DNAJC6: variants seen among roughly 807,000 people sequenced by gnomAD.
DNAJC6 encodes the protein auxilin.
Under a neutral mutation model 110.0 loss-of-function variants are expected in DNAJC6, and 34 were observed. That is an observed-to-expected ratio of 0.31 (90% CI 0.24 to 0.41). The LOEUF is 0.41. Among genes scored for constraint, DNAJC6 ranks in the 10% least tolerant of loss-of-function variants. DNAJC6 has a pLI of 1.00. For missense variants in DNAJC6, 1,031 were observed against 1,207.8 expected, an observed-to-expected ratio of 0.85 and a Z score of 2.17; for synonymous variants, 406 against 437.2, an observed-to-expected ratio of 0.93 and a Z score of 0.89.
chr1:65,402,331 G>T (rs1040294010), intron 15 of DNAJC6, among the ~76,000 whole-genome samples: 9 of 152,164 alleles, frequency 5.9e-5, no homozygotes, highest in African/African-American at 2.2e-4. Context: ...GGTGCTCTCC[G>T]GTCAATTTGT....
chr1:65,349,644 C>T (rs1011074752), intron 1 of DNAJC6, among the ~76,000 whole-genome samples: 2 of 151,858 alleles, frequency 1.3e-5, no homozygotes, highest in Non-Finnish European at 2.9e-5. Context: ...ATTTTTTGAC[C>T]TCCATTGTTT....
chr1:65,386,167 G>A (rs1283796794), intron 7 of DNAJC6, among the ~76,000 whole-genome samples: 6 of 152,314 alleles, frequency 3.9e-5, no homozygotes, highest in African/African-American at 1.4e-4. Context: ...GGGAACATGG[G>A]ACACCTGGTC....
In DNAJC6 at chr1:65,381,196, C is replaced by G. The variant is rs138914377; in HGVS notation, c.666+1672C>G. Among the ~76,000 whole-genome samples, 1,217 of 151,698 alleles carry G rather than the reference C, an allele frequency of 8.0e-3. 10 individuals are homozygous for G. Among genetic ancestry groups the G allele is most frequent in the South Asian group, 0.033 (157 of 4,802 alleles). Reference sequence around the variant, plus strand: ...CCTCCCAAAGTGCTGGGATTACAGGCGTGACCCCACCAGGCCTCTTATTTT... The same window carrying G: ...CCTCCCAAAGTGCTGGGATTACAGGGGTGACCCCACCAGGCCTCTTATTTT... On this transcript the variant is annotated intron_variant, in intron 5 of 18. Coordinates refer to ENST00000371069, the MANE Select transcript of DNAJC6 (RefSeq NM_001256864.2).
At chr1:65,349,029 A>C in intron 1 of DNAJC6, among the ~76,000 whole-genome samples, 1 of 144,972 alleles carries the variant, frequency 6.9e-6, no homozygotes, top group South Asian at 2.1e-4. Flanking sequence ...AATACATATA[A>C]ATATATGTAA....
intron 1 of DNAJC6, among the ~76,000 whole-genome samples, chr1:65,329,513 A>G (rs1645268824): frequency 6.6e-6 from 1 of 151,590 alleles, no homozygotes; most frequent in African/African-American, 2.4e-5. Context: ...ATTTTATTCA[A>G]TATAATAAAT....
chr1:65,272,093 T>C (rs929136882), intron 1 of DNAJC6, among the ~76,000 whole-genome samples: 1 of 152,176 alleles, frequency 6.6e-6, no homozygotes, highest in African/African-American at 2.4e-5. Flanking sequence ...TCTTATAATG[T>C]TGAATAGAAG....
intron 1 of DNAJC6, among the ~76,000 whole-genome samples, chr1:65,359,688 A>G (rs1318447033): frequency 6.6e-6 from 1 of 152,196 alleles, no homozygotes; most frequent in Non-Finnish European, 1.5e-5. Flanking sequence ...TAAGAACACA[A>G]GTGGTGTTAA....
At chr1:65,280,182 T>C (rs1429529423) in intron 1 of DNAJC6, among the ~76,000 whole-genome samples, 2 of 152,224 alleles carry the variant, frequency 1.3e-5, no homozygotes, top group African/African-American at 2.4e-5. Context: ...AAGGAAATTA[T>C]GAAAATTCAG....
chr1:65,372,488 G>A (rs1645716652), intron 4 of DNAJC6, among the ~76,000 whole-genome samples: 1 of 152,090 alleles, frequency 6.6e-6, no homozygotes, highest in South Asian at 2.1e-4. Context: ...TCTTCTCATG[G>A]AGCTTGGTGT....
chr1:65,264,840 A>G (rs2101141295), exon 1 of DNAJC6: 3 of 1,602,984 alleles, frequency 1.9e-6, no homozygotes, highest in Non-Finnish European at 2.6e-6. Flanking sequence ...TGTGAATGAC[A>G]AATCAAAAGT....
At chr1:65,365,499 G>T (rs758246236) in intron 2 of DNAJC6, among the ~76,000 whole-genome samples, 1 of 152,042 alleles carries the variant, frequency 6.6e-6, no homozygotes, top group Non-Finnish European at 1.5e-5. Context: ...GCAGAAAAAT[G>T]GTGTCATTTA....
Position 65,392,602 on chromosome 1 carries a change from C to G in DNAJC6, c.1640C>G (p.Ala547Gly), listed in dbSNP as rs1300228085. Residue 547 changes from alanine (A) to glycine (G), a missense_variant, in exon 12 of 19, where the codon GCC becomes GGC. By Grantham distance (60) the Ala-to-Gly change is moderately conservative. Coordinates refer to ENST00000371069, the MANE Select transcript of DNAJC6 (RefSeq NM_001256864.2). ...KPSKKQQEPA[A>G]PPPPEDVDLL... ...AGCAAAAAGCAGCAGGAGCCAGCAG[C>G]CCCTCCACCCCCTGAGGATGTGGAC... 3.1e-6 allele frequency: 5 copies of G among 1,614,056 alleles called. No individual in the cohort carries two copies. The highest frequency in any genetic ancestry group is 4.2e-6 in the Non-Finnish European group (5 of 1,179,988).
intron 1 of DNAJC6, among the ~76,000 whole-genome samples, chr1:65,310,586 G>A (rs892170481): frequency 6.6e-6 from 1 of 152,060 alleles, no homozygotes; most frequent in African/African-American, 2.4e-5. Flanking sequence ...TTGTCCTTTT[G>A]CTTGAGTGTA....
At chr1:65,274,525 C>T (rs1466255100) in intron 1 of DNAJC6, among the ~76,000 whole-genome samples, 1 of 152,200 alleles carries the variant, frequency 6.6e-6, no homozygotes, top group Non-Finnish European at 1.5e-5. Context: ...CCATGTTGGC[C>T]AGGCTGGTCT....
chr1:65,365,804 A>C (rs779707103), intron 2 of DNAJC6, 81 bp from the exon 3 acceptor site: 192 of 1,487,920 alleles, frequency 1.3e-4, no homozygotes, highest in Non-Finnish European at 1.7e-4. Flanking sequence ...GTCCCAGTTC[A>C]TATGCGCAAG....
chr1:65,313,790 G>T (rs1645124206), intron 1 of DNAJC6, among the ~76,000 whole-genome samples: 1 of 152,184 alleles, frequency 6.6e-6, no homozygotes, highest in African/African-American at 2.4e-5. Context: ...GTGACTTCCA[G>T]AGCTCTCTGC....
chr1:65,394,265 G>A lies in DNAJC6; in HGVS notation c.1904-633G>A, dbSNP rs138245893. The stretch of plus-strand genomic sequence containing the variant: ...TAGACAATGAAACTGAGGCTTAGAT[G>A]TATTGATTGACCTGTCTGAGGATAC... On this transcript the variant is annotated intron_variant, in intron 12 of 18. Transcript: ENST00000371069. Among the ~76,000 whole-genome samples, 46 of 152,238 alleles carry A rather than the reference G, an allele frequency of 3.0e-4. No individual in the cohort carries two copies. The East Asian group carries it at 3.7e-3, about 12-fold the overall frequency.
At chr1:65,405,542 G>C (rs927329654) in intron 15 of DNAJC6, among the ~76,000 whole-genome samples, 12 of 152,114 alleles carry the variant, frequency 7.9e-5, no homozygotes, top group African/African-American at 2.9e-4. Flanking sequence ...AAGAGCCAGG[G>C]TTCTTTTGAC....
chr1:65,395,835 A>G (rs1645971610), intron 13 of DNAJC6, among the ~76,000 whole-genome samples: 2 of 152,238 alleles, frequency 1.3e-5, no homozygotes, highest in South Asian at 4.1e-4. Context: ...ATCCATTTAT[A>G]AAAGTGTGTC....
Sources: gnomAD v4.1 joint callset for allele counts (sites outside exome capture counted in the v4.1 genomes callset) on GRCh38, gnomAD v4.1.1 for gene constraint, MANE v1.5 for transcripts, NCBI Gene and HGNC (gene_info 2026-07-23, HGNC 2026-07-21) for gene names.